The following FAM210A variants were observed in gnomAD, a reference collection of about 807,000 sequenced individuals.
FAM210A encodes the protein family with sequence similarity 210 member A.
In FAM210A, 13 loss-of-function variants were observed where a neutral mutation model predicts 25.3. The ratio of observed to expected loss-of-function variants is 0.51; its 90% CI spans 0.33 to 0.82. The LOEUF is 0.82. Ranked by LOEUF, FAM210A falls within the 40% of genes least tolerant of loss-of-function variation. The pLI is 0.02. For missense variants in FAM210A, 319 were observed against 323.2 expected, an observed-to-expected ratio of 0.99 and a Z score of 0.10; for synonymous variants, 125 against 118.7, an observed-to-expected ratio of 1.05 and a Z score of -0.35.
At chr18:13,721,788 G>A (rs535182443) in intron 1 of FAM210A, among the ~76,000 whole-genome samples, 20 of 152,206 alleles carry the variant, frequency 1.3e-4, no homozygotes, top group African/African-American at 3.1e-4. Flanking sequence ...TCTGAATGGC[G>A]GGCCAAAATG....
intron 1 of FAM210A, among the ~76,000 whole-genome samples, chr18:13,713,725 A>AACACACACACACACAC (rs55691136): frequency 0.24 from 34,641 of 141,752 alleles, 4,695 homozygotes; most frequent in East Asian, 0.35. Flanking sequence ...GTCACTATAA[A>AACACACACACACACAC]ACACACACAC....
At chr18:13,667,614 G>A (rs576726342) in intron 3 of FAM210A, among the ~76,000 whole-genome samples, 53 of 152,274 alleles carry the variant, frequency 3.5e-4, no homozygotes, top group African/African-American at 1.2e-3. Context: ...AGATATTTGA[G>A]AAGCTGAGGC....
chr18:13,714,240 T>TA (rs1295046014), intron 1 of FAM210A, among the ~76,000 whole-genome samples: 22 of 152,190 alleles, frequency 1.4e-4, no homozygotes, highest in Admixed American at 1.4e-3. Context: ...AGACATGAGT[T>TA]ACAAGTTTAT....
Position 13,675,004 on chromosome 18 carries a change from G to C in FAM210A, c.474-3031C>G, listed in dbSNP as rs569979777. ...CTGGCTTCTTTATTTCCTGTTTCCT[G>C]ATTATTAACATTCCTGAGCCCTGGC... On this transcript the variant is annotated intron_variant, in intron 2 of 3. Coordinates refer to ENST00000651643, the MANE Select transcript of FAM210A (RefSeq NM_152352.4). Among the ~76,000 whole-genome samples, 752 of 136,294 alleles carry C rather than the reference G, an allele frequency of 5.5e-3. 6 individuals carry two copies. Among genetic ancestry groups the C allele is most frequent in the Non-Finnish European group, 8.6e-3 (550 of 63,604 alleles). 89.4% of individuals were successfully genotyped at this position (136,294 alleles called of 152,430 possible).
chr18:13,673,144 C>T (rs958346252), intron 2 of FAM210A, among the ~76,000 whole-genome samples: 3 of 149,900 alleles, frequency 2.0e-5, no homozygotes, highest in African/African-American at 7.4e-5. Flanking sequence ...CCTTATTAAC[C>T]TTCCTGAGCC....
At chr18:13,724,881 C>T (rs2043923688) in intron 1 of FAM210A, among the ~76,000 whole-genome samples, 1 of 152,170 alleles carries the variant, frequency 6.6e-6, no homozygotes, top group South Asian at 2.1e-4. Flanking sequence ...TTAAGCGATT[C>T]TCCTGCCTCA....
chr18:13,697,867 C>G (rs1256586071), intron 1 of FAM210A, among the ~76,000 whole-genome samples: 1 of 152,092 alleles, frequency 6.6e-6, no homozygotes, highest in Non-Finnish European at 1.5e-5. Context: ...CACCTTCATA[C>G]AAACAGAACA....
At chr18:13,691,214 T>C (rs917753030) in intron 1 of FAM210A, among the ~76,000 whole-genome samples, 2 of 152,098 alleles carry the variant, frequency 1.3e-5, no homozygotes, top group African/African-American at 4.8e-5. Context: ...GAAAAAAGAA[T>C]ACAAAGACAT....
At chr18:13,716,400 G>A (rs1490757589) in intron 1 of FAM210A, among the ~76,000 whole-genome samples, 1 of 152,160 alleles carries the variant, frequency 6.6e-6, no homozygotes, top group Non-Finnish European at 1.5e-5. Flanking sequence ...CTGGCTGACT[G>A]TTATTGGTCC....
intron 2 of FAM210A, among the ~76,000 whole-genome samples, chr18:13,673,071 C>A (rs556838518): frequency 6.6e-6 from 1 of 150,438 alleles, no homozygotes; most frequent in African/African-American, 2.5e-5. Flanking sequence ...ATTCCTGAGC[C>A]CCGACTTCTT....
intron 1 of FAM210A, among the ~76,000 whole-genome samples, chr18:13,711,405 CA>C (rs1258292667): frequency 3.3e-5 from 5 of 151,926 alleles, no homozygotes; most frequent in Admixed American, 3.3e-4. Flanking sequence ...ACAACCCCCC[CA>C]ATCAAAAAAC....
chr18:13,678,815 T>C (rs2043525539), intron 2 of FAM210A, among the ~76,000 whole-genome samples: 1 of 152,200 alleles, frequency 6.6e-6, no homozygotes, highest in African/African-American at 2.4e-5. Context: ...CAAAAGCACA[T>C]TCACTGTCTG....
intron 1 of FAM210A, among the ~76,000 whole-genome samples, chr18:13,723,761 A>G (rs183025071): frequency 6.6e-6 from 1 of 152,362 alleles, no homozygotes; most frequent in East Asian, 1.9e-4. Flanking sequence ...AAAACTAATC[A>G]TCACACACAG....
chr18:13,718,284 C>T (rs1305919580), intron 1 of FAM210A, among the ~76,000 whole-genome samples: 1 of 152,146 alleles, frequency 6.6e-6, no homozygotes, highest in Non-Finnish European at 1.5e-5. Flanking sequence ...ATTATTTTTA[C>T]CTTCTCAAAG....
chr18:13,702,470 C>CA (rs1034018519), intron 1 of FAM210A, among the ~76,000 whole-genome samples: 4 of 152,072 alleles, frequency 2.6e-5, no homozygotes, highest in African/African-American at 9.7e-5. Flanking sequence ...CTCACACAAA[C>CA]AAAAAAACTG....
chr18:13,700,947 C>A (rs1260296627), intron 1 of FAM210A, among the ~76,000 whole-genome samples: 5 of 152,208 alleles, frequency 3.3e-5, no homozygotes, highest in African/African-American at 9.7e-5. Flanking sequence ...TATATCATTT[C>A]CCTTTTTTTG....
At chr18:13,718,820 T>C (rs571984237) in intron 1 of FAM210A, among the ~76,000 whole-genome samples, 2 of 152,292 alleles carry the variant, frequency 1.3e-5, no homozygotes, top group East Asian at 1.9e-4. Flanking sequence ...TAAATCGCAA[T>C]AGAACCTGTT....
intron 1 of FAM210A, among the ~76,000 whole-genome samples, chr18:13,691,344 C>T (rs6505835): frequency 0.77 from 117,427 of 152,114 alleles, 45,558 homozygotes; most frequent in East Asian, 0.95. Flanking sequence ...AGGATATTAT[C>T]GAGGAGAACT....
intron 1 of FAM210A, among the ~76,000 whole-genome samples, chr18:13,695,272 T>G (rs1601956280): frequency 6.6e-6 from 1 of 152,198 alleles, no homozygotes; most frequent in African/African-American, 2.4e-5. Context: ...GGTGGGACTG[T>G]AAACTAGTTC....
Sources: gnomAD v4.1 joint callset for allele counts (sites outside exome capture counted in the v4.1 genomes callset) on GRCh38, gnomAD v4.1.1 for gene constraint, MANE v1.5 for transcripts, NCBI Gene and HGNC (gene_info 2026-07-23, HGNC 2026-07-21) for gene names.